The following UNC79 variants were observed in gnomAD, a reference collection of about 807,000 sequenced individuals.
UNC79 encodes unc-79 subunit of NALCN channel complex, also known as protein unc-79 homolog.
UNC79 carries 37 observed loss-of-function variants against 283.1 expected under a neutral mutation model. That is an observed-to-expected ratio of 0.13 (90% CI 0.10 to 0.17). The LOEUF (loss-of-function observed/expected upper bound fraction) is 0.17. Ranked by LOEUF, UNC79 falls within the 10% of genes least tolerant of loss-of-function variation. The pLI, the probability that UNC79 is intolerant of heterozygous loss-of-function variation, is 1.00. For synonymous variants in UNC79, 1,107 were observed against 1,200.2 expected, an observed-to-expected ratio of 0.92 and a Z score of 1.61; for missense variants, 2,272 against 3,211.1, an observed-to-expected ratio of 0.71 and a Z score of 7.07.
chr14:93,567,382 T>C (rs1477885531), intron 14 of UNC79, among the ~76,000 whole-genome samples: 1 of 152,326 alleles, frequency 6.6e-6, no homozygotes, highest in African/African-American at 2.4e-5. Context: ...CCCACCACCA[T>C]GCCTGGCCAA....
At chr14:93,622,976 A>G in intron 30 of UNC79, 135 bp downstream of exon 32, 1 of 1,150,876 alleles carries the variant, frequency 8.7e-7, no homozygotes, top group South Asian at 1.6e-5. Flanking sequence ...TGGCTTCTCA[A>G]TCACTCTGAA....
Position 93,474,538 on chromosome 14 carries a change from C to T in UNC79, c.448+145C>T. ...GGCTAGAAGCACTACACTGAAACTT[C>T]ATTATGGTGCTTCCCATACTATTAT... On this transcript the variant is annotated intron_variant, in intron 3 of 48. Coordinates refer to ENST00000555664, the Ensembl canonical transcript of UNC79. This position sits in a 1 kb window ranked among gnomAD's most constrained non-coding sequence, Gnocchi z 4.1. 1 of 909,444 alleles carries T rather than the reference C, an allele frequency of 1.1e-6. No individual in the cohort carries two copies. The highest frequency in any genetic ancestry group is 1.6e-6 in the Non-Finnish European group (1 of 620,754). 56.3% of individuals were successfully genotyped at this position (909,444 alleles called of 1,614,324 possible). A position where few individuals can be genotyped will look rare whatever the true frequency, so the allele number is the denominator to read the frequency against.
At chr14:93,355,636 C>T (rs774753081) in intron 1 of UNC79, among the ~76,000 whole-genome samples, 13 of 152,176 alleles carry the variant, frequency 8.5e-5, no homozygotes, top group Non-Finnish European at 1.8e-4. Context: ...CCTAATTTTA[C>T]AGTCTTAATA....
chr14:93,490,196 G>A (rs902291232), intron 5 of UNC79, among the ~76,000 whole-genome samples: 5 of 152,130 alleles, frequency 3.3e-5, no homozygotes, highest in Non-Finnish European at 7.4e-5. Context: ...GAGGATTTCC[G>A]AAGTGCCTCT....
At chr14:93,592,942 G>A (rs181320513) in intron 22 of UNC79, among the ~76,000 whole-genome samples, 14 of 152,244 alleles carry the variant, frequency 9.2e-5, no homozygotes, top group Admixed American at 7.2e-4. Flanking sequence ...ATGGAACTAA[G>A]TGTTGGCTTC....
At chr14:93,454,425 ATAGATG>A (rs1207026959) in intron 1 of UNC79, among the ~76,000 whole-genome samples, 2 of 148,384 alleles carry the variant, frequency 1.3e-5, no homozygotes, top group Admixed American at 1.4e-4. Context: ...GTATGTATGT[ATAGATG>A]TGTGTATGTG....
intron 1 of UNC79, among the ~76,000 whole-genome samples, chr14:93,432,674 G>T (rs1416774101): frequency 6.6e-6 from 1 of 152,036 alleles, no homozygotes; most frequent in Non-Finnish European, 1.5e-5. Context: ...GAAAAAAATT[G>T]GGTGCATTCT....
chr14:93,640,683 G>C (rs954747371), intron 32 of UNC79, among the ~76,000 whole-genome samples: 2 of 152,194 alleles, frequency 1.3e-5, no homozygotes, highest in African/African-American at 4.8e-5. Context: ...CACTGCTTAA[G>C]TGCATGGAGT....
intron 1 of UNC79, among the ~76,000 whole-genome samples, chr14:93,391,854 A>G (rs189704643): frequency 6.9e-4 from 105 of 152,378 alleles, no homozygotes; most frequent in Non-Finnish European, 1.2e-3. Context: ...CAATAAATGC[A>G]TGAGAAATGC....
intron 4 of UNC79, among the ~76,000 whole-genome samples, chr14:93,482,885 G>A (rs910232380): frequency 6.6e-6 from 1 of 152,182 alleles, no homozygotes; most frequent in Non-Finnish European, 1.5e-5. Flanking sequence ...CTAGCTTCCC[G>A]TTACTCTTAC....
At chr14:93,565,162 T>C (rs1010949664) in intron 14 of UNC79, among the ~76,000 whole-genome samples, 1 of 152,208 alleles carries the variant, frequency 6.6e-6, no homozygotes, top group Non-Finnish European at 1.5e-5. Context: ...CCTCCCCCGG[T>C]TCCTGTAGGC....
intron 25 of UNC79, 82 bp from the exon 26 acceptor site, chr14:93,603,157 A>T: frequency 1.3e-6 from 2 of 1,483,422 alleles, no homozygotes; most frequent in Non-Finnish European, 1.8e-6. Context: ...GAAACTCTAC[A>T]CAGATGGATT....
In UNC79 at chr14:93,529,749, G is replaced by T. The variant is rs147310246; in HGVS notation, c.1093+423G>T. Among the ~76,000 whole-genome samples, 617 of 152,112 alleles carry T rather than the reference G, an allele frequency of 4.1e-3. 2 individuals carry two copies. The highest frequency in any genetic ancestry group is 0.014 in the African/African-American group (575 of 41,496). The stretch of plus-strand genomic sequence containing the variant: ...GCTACTATTACTAGTACCATGTTGT[G>T]GGGGGGAAATCATTGAATGTCTCTG... On this transcript the variant is annotated intron_variant, in intron 10 of 48. Transcript: ENST00000555664.
At chr14:93,613,420 CT>C (rs570173176) in intron 27 of UNC79, among the ~76,000 whole-genome samples, 420 of 142,644 alleles carry the variant, frequency 2.9e-3, no homozygotes, top group African/African-American at 4.2e-3. Flanking sequence ...TATTTGGTTT[CT>C]TTTTTTTTTT....
chr14:93,691,492 G>T (rs985264956), intron 45 of UNC79: 1 of 569,812 alleles, frequency 1.8e-6, no homozygotes, highest in South Asian at 2.2e-5. Context: ...AAGGGGGTGG[G>T]TAGATTTCTT....
intron 1 of UNC79, among the ~76,000 whole-genome samples, chr14:93,343,760 G>GTA (rs570535355): frequency 0.013 from 1,951 of 152,254 alleles, 47 homozygotes; most frequent in African/African-American, 0.045. Flanking sequence ...GTGGGCGAGG[G>GTA]TGTCTTTCTC....
At chr14:93,639,937 C>G (rs190111659) in intron 32 of UNC79, among the ~76,000 whole-genome samples, 1 of 152,270 alleles carries the variant, frequency 6.6e-6, no homozygotes, top group Non-Finnish European at 1.5e-5. Flanking sequence ...TTTGTTTTCT[C>G]CCAGCACCAA....
At chr14:93,646,678 T>C (rs780494727) in intron 35 of UNC79, 32 bp downstream of exon 38, 1 of 1,611,832 alleles carries the variant, frequency 6.2e-7, no homozygotes, top group South Asian at 1.1e-5. Context: ...AGATCTCACT[T>C]TCTTTTCTCC....
rs11160131 is a variant in UNC79 at position 93,563,566 on chromosome 14, C to A, written c.1756-8328C>A. ...TTCGGCTTGCTGAGAGGTAGTGCAG[C>A]GGGGGCAGAGCAGTAGCCTCAATGA... On this transcript the variant is annotated intron_variant, in intron 14 of 48. Coordinates refer to ENST00000555664, the Ensembl canonical transcript of UNC79. Among the ~76,000 whole-genome samples, 8 of 152,194 alleles carry A rather than the reference C, an allele frequency of 5.3e-5. No homozygotes were observed. The East Asian group carries it at 1.3e-3, about 26-fold the overall frequency.
Sources: allele counts gnomAD v4.1 joint callset (sites outside exome capture counted in the v4.1 genomes callset), GRCh38; gene constraint gnomAD v4.1.1; non-coding constraint Gnocchi (gnomAD v3.1); transcripts MANE v1.5; gene names NCBI Gene and HGNC (gene_info 2026-07-23, HGNC 2026-07-21).